Variants in LPA observed in about 807,000 individuals in gnomAD.
LPA encodes the protein lipoprotein(a).
In LPA, 199 loss-of-function variants were observed where a neutral mutation model predicts 197.9. That is an observed-to-expected ratio of 1.01 (90% confidence interval 0.90 to 1.13). The LOEUF (loss-of-function observed/expected upper bound fraction) is 1.13, where lower values mean the gene tolerates loss of function less well. LPA is among the 50% of genes most tolerant of loss of function. LPA has a pLI of 0.00. For synonymous variants in LPA, 715 were observed against 639.5 expected (o/e 1.12, Z -1.78); for missense variants, 1,853 against 1,785.8 (o/e 1.04, Z -0.68).
At chr6:160,559,608 C>T (rs892400032) in intron 28 of LPA, among the ~76,000 whole-genome samples, 1 of 152,054 alleles carries the variant, frequency 6.6e-6, no homozygotes, top group Non-Finnish European at 1.5e-5. Flanking sequence ...TTTTTTAATT[C>T]GTTTTATCAT....
At chr6:160,649,047 T>C (rs1779957473) in intron 2 of LPA, among the ~76,000 whole-genome samples, 1 of 152,210 alleles carries the variant, frequency 6.6e-6, no homozygotes, top group African/African-American at 2.4e-5. Context: ...GGTTGAGTTT[T>C]CCTCTCAGAG....
intron 30 of LPA, among the ~76,000 whole-genome samples, chr6:160,551,871 C>G (rs1394400443): frequency 6.6e-6 from 1 of 151,100 alleles, no homozygotes; most frequent in Non-Finnish European, 1.5e-5. Flanking sequence ...GTGGGCCATC[C>G]CTTTTTAGGT....
chr6:160,654,966 G>A (rs547754340), intron 1 of LPA, among the ~76,000 whole-genome samples: 13 of 152,254 alleles, frequency 8.5e-5, no homozygotes, highest in Admixed American at 5.2e-4. Flanking sequence ...GGCTGGGGGA[G>A]GGAAGGCAGG....
intron 18 of LPA, among the ~76,000 whole-genome samples, chr6:160,601,920 G>A (rs574692854): frequency 1.3e-5 from 2 of 152,342 alleles, no homozygotes; most frequent in Admixed American, 1.3e-4. Context: ...AGACAGCTGG[G>A]CAGACTATGA....
chr6:160,634,986 G>C, intron 7 of LPA, 137 bp downstream of exon 7: 1 of 1,503,378 alleles, frequency 6.7e-7, no homozygotes, highest in Non-Finnish European at 9.2e-7. Flanking sequence ...AGTACACGGA[G>C]GCTTCCCCCA....
intron 14 of LPA, among the ~76,000 whole-genome samples, chr6:160,615,380 G>GTGTAGCTCATTC (rs1779578370): frequency 7.9e-6 from 1 of 126,808 alleles, no homozygotes; most frequent in Non-Finnish European, 1.7e-5. Flanking sequence ...GTGTGTGTGT[G>GTGTAGCTCATTC]TGTGTAGCTC....
intron 1 of LPA, among the ~76,000 whole-genome samples, chr6:160,659,210 TG>T (rs1295330007): frequency 6.6e-6 from 1 of 152,090 alleles, no homozygotes; most frequent in Non-Finnish European, 1.5e-5. Flanking sequence ...CTCTACAGCT[TG>T]GGGGCAGCAG....
chr6:160,649,525 G>A (rs1169019926), intron 2 of LPA, among the ~76,000 whole-genome samples: 1 of 152,148 alleles, frequency 6.6e-6, no homozygotes, highest in East Asian at 1.9e-4. Context: ...TCAGCAAGAT[G>A]GCTACAGTTT....
intron 19 of LPA, 72 bp from the exon 20 acceptor site, chr6:160,599,731 A>G: frequency 6.5e-7 from 1 of 1,547,762 alleles, no homozygotes; most frequent in Non-Finnish European, 8.9e-7. Flanking sequence ...CATTTATGAC[A>G]TAAACCAAAA....
chr6:160,606,643 G>C lies in LPA; in HGVS notation c.2619C>G (p.Asn873Lys), dbSNP rs370766603. ...CCACAGGATCTGGATTCCTGCAGTA[G>C]TTCATGATCAAGCCACTGGAAATTC... Reference protein sequence around the residue: ...EYYPNAGLIMNYCRNPDPVAA... With the variant: ...EYYPNAGLIMKYCRNPDPVAA... Residue 873 changes from asparagine to lysine, a missense_variant, in exon 17 of 39, where the codon AAC becomes AAG. Coordinates refer to ENST00000316300, the MANE Select transcript of LPA (RefSeq NM_005577.4). 2 of 1,613,922 alleles carry C rather than the reference G, an allele frequency of 1.2e-6. No individual in the cohort carries two copies. Among genetic ancestry groups the C allele is most frequent in the African/African-American group, 1.3e-5 (1 of 74,904 alleles).
rs148022303 is a variant in LPA, at chr6:160,560,533, T to C, written c.4632-2962A>G. On this transcript the variant is annotated intron_variant, in intron 28 of 38. Coordinates refer to ENST00000316300, the MANE Select transcript of LPA (RefSeq NM_005577.4). Reference sequence around the variant, plus strand: ...ATTGTGGTTTCGATTTGCATTTCTCTAATTAACAGTGATGATGAGCTTTTT... The same window carrying C: ...ATTGTGGTTTCGATTTGCATTTCTCCAATTAACAGTGATGATGAGCTTTTT... 6.5e-3 allele frequency among the ~76,000 whole-genome samples: 984 copies of C among 152,366 alleles called. 8 individuals carry two copies. The highest frequency in any genetic ancestry group is 0.022 in the African/African-American group (932 of 41,588).
chr6:160,581,934 A>G (rs928821994), intron 26 of LPA, among the ~76,000 whole-genome samples: 1 of 152,150 alleles, frequency 6.6e-6, no homozygotes, highest in Non-Finnish European at 1.5e-5. Context: ...ATTTATCAAT[A>G]AAGTTTTTTT....
At chr6:160,585,544 G>A (rs1478950233) in intron 25 of LPA, among the ~76,000 whole-genome samples, 1 of 152,044 alleles carries the variant, frequency 6.6e-6, no homozygotes, top group Non-Finnish European at 1.5e-5. Context: ...AGGAGACCAG[G>A]GTGCCATGCA....
At chr6:160,599,693 T>G (rs1391547503) in intron 19 of LPA, 34 bp from the exon 20 acceptor site, 4 of 1,613,116 alleles carry the variant, frequency 2.5e-6, no homozygotes, top group Non-Finnish European at 3.4e-6. Context: ...AAGCTTATTA[T>G]TTCCTAGAAC....
intron 16 of LPA, among the ~76,000 whole-genome samples, chr6:160,610,286 T>C (rs1779464887): frequency 6.6e-6 from 1 of 152,180 alleles, no homozygotes; most frequent in African/African-American, 2.4e-5. Flanking sequence ...AGGCACTTCA[T>C]TGATTGGAAA....
At chr6:160,560,338 G>T (rs945374170) in intron 28 of LPA, among the ~76,000 whole-genome samples, 10 of 152,244 alleles carry the variant, frequency 6.6e-5, no homozygotes, top group African/African-American at 1.2e-4. Flanking sequence ...TGGTACTTCT[G>T]GTTCTAGATC....
At chr6:160,546,550 A>G (rs1778074636) in intron 32 of LPA, among the ~76,000 whole-genome samples, 1 of 152,200 alleles carries the variant, frequency 6.6e-6, no homozygotes. Flanking sequence ...GGTCATATAG[A>G]AAAACAGATC....
chr6:160,558,394 C>G (rs908103902), intron 28 of LPA, among the ~76,000 whole-genome samples: 3 of 152,154 alleles, frequency 2.0e-5, no homozygotes, highest in African/African-American at 7.2e-5. Flanking sequence ...CACAGTGTAG[C>G]TAAAAGGCTC....
rs375385826 is a variant in LPA, at chr6:160,650,384, T to A, written c.163A>T (p.Met55Leu). The part of the protein sequence containing the change: ...TGRTCQAWSS[M>L]TPHQHNRTTE... ...GTCCTATTATGTTGATGTGGTGTCA[T>A]AGATGACCAAGCTTGGCAGGTCCTT... The change falls in exon 2 of 39, where the codon ATG becomes TTG. Residue 55 changes from methionine (M) to leucine (L), a missense_variant. Met to Leu is a conservative substitution (Grantham distance 15). Around this residue, in one of 3 missense-constraint regions of LPA, gnomAD observed 88 missense variants for 83.0 expected, o/e 1.06. Coordinates refer to ENST00000316300, the MANE Select transcript of LPA (RefSeq NM_005577.4). The A allele has an allele frequency of 3.7e-6, 6 of 1,613,954 alleles. No homozygotes were observed. The highest frequency in any genetic ancestry group is 5.1e-6 in the Non-Finnish European group (6 of 1,179,830).
Sources: allele counts gnomAD v4.1 joint callset (sites outside exome capture counted in the v4.1 genomes callset), GRCh38; gene constraint gnomAD v4.1.1; regional missense constraint gnomAD v4.1.1; transcripts MANE v1.5; gene names NCBI Gene and HGNC (gene_info 2026-07-23, HGNC 2026-07-21).